Variants in IQSEC1 observed in about 807,000 individuals in gnomAD.
IQSEC1 encodes the protein IQ motif and Sec7 domain ArfGEF 1, also known as IQ motif and SEC7 domain-containing protein 1.
IQSEC1 carries 31 observed loss-of-function variants against 91.0 expected under a neutral mutation model. That is an observed-to-expected ratio of 0.34 (90% CI 0.26 to 0.46). The LOEUF (loss-of-function observed/expected upper bound fraction) is 0.46. IQSEC1 is among the 20% of genes least tolerant of loss of function. IQSEC1 has a pLI of 1.00. For missense variants in IQSEC1, 1,388 were observed against 1,575.6 expected, an observed-to-expected ratio of 0.88 and a Z score of 2.02; for synonymous variants, 699 against 662.6, an observed-to-expected ratio of 1.05 and a Z score of -0.84.
intron 1 of IQSEC1, among the ~76,000 whole-genome samples, chr3:13,216,521 AGG>A: frequency 6.6e-6 from 1 of 152,264 alleles, no homozygotes; most frequent in East Asian, 1.9e-4. Flanking sequence ...AAGGGATGAG[AGG>A]GAGCAGTCAC....
chr3:13,226,469 T>C (rs138032283), intron 1 of IQSEC1, among the ~76,000 whole-genome samples: 1,915 of 152,270 alleles, frequency 0.013, 20 homozygotes, highest in Middle Eastern at 0.037. Context: ...ATAAAAATTC[T>C]TGACCCCCCA....
chr3:13,264,342 C>T (rs1035395718), intron 1 of IQSEC1, among the ~76,000 whole-genome samples: 5 of 152,210 alleles, frequency 3.3e-5, no homozygotes, highest in African/African-American at 1.2e-4. Context: ...TGATGCCCAC[C>T]GGAGGCCGAG....
At chr3:13,268,715 T>C (rs992363687) in intron 1 of IQSEC1, among the ~76,000 whole-genome samples, 4 of 152,238 alleles carry the variant, frequency 2.6e-5, no homozygotes, top group Non-Finnish European at 4.4e-5. Context: ...CCTTTGCCCC[T>C]AGGGGTGTGT....
chr3:13,156,651 T>G (rs1014312608), intron 2 of IQSEC1, among the ~76,000 whole-genome samples: 1 of 152,250 alleles, frequency 6.6e-6, no homozygotes, highest in Non-Finnish European at 1.5e-5. Flanking sequence ...GGCACAGCAC[T>G]GCATAAGACA....
At chr3:13,064,733 G>C (rs1705177383) in intron 1 of IQSEC1, among the ~76,000 whole-genome samples, 4 of 152,276 alleles carry the variant, frequency 2.6e-5, no homozygotes, top group Admixed American at 2.6e-4. Context: ...TTGTGGTTTA[G>C]ATGTCAAGAG....
chr3:13,205,150 T>C (rs1306010338), intron 1 of IQSEC1, among the ~76,000 whole-genome samples: 1 of 152,048 alleles, frequency 6.6e-6, no homozygotes, highest in Non-Finnish European at 1.5e-5. Context: ...CTGTGCTGAC[T>C]TGGTACTGCT....
chr3:13,065,706 C>T (rs952774672), intron 1 of IQSEC1, among the ~76,000 whole-genome samples: 3 of 152,186 alleles, frequency 2.0e-5, no homozygotes, highest in African/African-American at 4.8e-5. Context: ...CATCCAATCA[C>T]AATCTGACCC....
chr3:12,920,306 C>G, intron 6 of IQSEC1, 124 bp downstream of exon 6: 1 of 962,114 alleles, frequency 1.0e-6, no homozygotes, highest in South Asian at 1.5e-5. Flanking sequence ...ATGCCAGACC[C>G]TGGAGTGCCG....
rs1698686595 is a variant in IQSEC1, at chr3:12,940,885, G to GCACCCCAGGATTCTCCTCT, written c.318+667_318+685dup. Reference sequence around the variant, plus strand: ...CGCTCAGGGCCTCGCTCTTTCCTCTGCACCCCAGGATTCTCCTCTCCTGGC... The same window carrying GCACCCCAGGATTCTCCTCT: ...CGCTCAGGGCCTCGCTCTTTCCTCTGCACCCCAGGATTCTCCTCTCACCCCAGGATTCTCCTCTCCTGGC... On this transcript the variant is annotated intron_variant, in intron 2 of 13. Transcript: ENST00000613206. The surrounding 1 kb of genome is among the most constrained non-coding windows in gnomAD (Gnocchi z 4.4). Among the ~76,000 whole-genome samples, 1 of 152,184 alleles carries GCACCCCAGGATTCTCCTCT rather than the reference G, an allele frequency of 6.6e-6. No homozygotes were observed. Among genetic ancestry groups the GCACCCCAGGATTCTCCTCT allele is most frequent in the Non-Finnish European group, 1.5e-5 (1 of 68,022 alleles).
At chr3:13,174,835 C>T (rs1037714673) in intron 1 of IQSEC1, among the ~76,000 whole-genome samples, 1 of 128,550 alleles carries the variant, frequency 7.8e-6, no homozygotes, top group Admixed American at 7.5e-5. Context: ...CTTTCTGCTC[C>T]CCCCCCCCAC....
At chr3:13,024,226 C>T (rs1452014078) in intron 1 of IQSEC1, among the ~76,000 whole-genome samples, 1 of 152,224 alleles carries the variant, frequency 6.6e-6, no homozygotes, top group East Asian at 1.9e-4. Flanking sequence ...CATCCACACA[C>T]CTTCCTCTCC....
At chr3:12,959,968 A>G (rs1435938464) in intron 1 of IQSEC1, among the ~76,000 whole-genome samples, 2 of 152,170 alleles carry the variant, frequency 1.3e-5, no homozygotes, top group Non-Finnish European at 2.9e-5. Flanking sequence ...AGAACAGTCA[A>G]TGGCCCAGAG....
intron 1 of IQSEC1, among the ~76,000 whole-genome samples, chr3:13,062,792 C>T (rs1705112272): frequency 1.3e-5 from 2 of 152,088 alleles, no homozygotes; most frequent in Admixed American, 6.5e-5. Flanking sequence ...CAGCCAGGGC[C>T]CTGGTGATTT....
At chr3:13,187,087 C>A (rs1228261032) in intron 1 of IQSEC1, among the ~76,000 whole-genome samples, 1 of 152,142 alleles carries the variant, frequency 6.6e-6, no homozygotes, top group Non-Finnish European at 1.5e-5. Flanking sequence ...GCCCATCCAT[C>A]CTTCTGCCCA....
chr3:13,263,430 G>T (rs1483383562), intron 1 of IQSEC1, among the ~76,000 whole-genome samples: 26 of 83,244 alleles, frequency 3.1e-4, no homozygotes, highest in Non-Finnish European at 3.8e-4. Flanking sequence ...TTTTTTTTGG[G>T]GGGGGGGGGA....
intron 1 of IQSEC1, among the ~76,000 whole-genome samples, chr3:13,195,908 G>A: frequency 6.6e-6 from 1 of 152,204 alleles, no homozygotes; most frequent in East Asian, 1.9e-4. Context: ...CTGTGGTTTT[G>A]TAAAATGTTA....
At chr3:12,912,695 A>AT (rs1482258882) in intron 9 of IQSEC1, among the ~76,000 whole-genome samples, 1 of 151,524 alleles carries the variant, frequency 6.6e-6, no homozygotes, top group Non-Finnish European at 1.5e-5. Context: ...AAAAAAAAAA[A>AT]AGAACATGGG....
At chr3:13,268,703 G>A (rs1047138227) in intron 1 of IQSEC1, among the ~76,000 whole-genome samples, 3 of 152,224 alleles carry the variant, frequency 2.0e-5, no homozygotes, top group African/African-American at 7.2e-5. Flanking sequence ...AAAGAATCAA[G>A]TCCTTTGCCC....
chr3:13,033,332 CA>C (rs1321519957), intron 1 of IQSEC1, among the ~76,000 whole-genome samples: 1 of 152,088 alleles, frequency 6.6e-6, no homozygotes, highest in Non-Finnish European at 1.5e-5. Context: ...CACCACAGAC[CA>C]AGAGGCTTAA....
Sources: allele counts gnomAD v4.1 joint callset (sites outside exome capture counted in the v4.1 genomes callset), GRCh38; gene constraint gnomAD v4.1.1; non-coding constraint Gnocchi (gnomAD v3.1); transcripts MANE v1.5; gene names NCBI Gene and HGNC (gene_info 2026-07-23, HGNC 2026-07-21).